The following NXN variants were observed in gnomAD, a reference collection of about 807,000 sequenced individuals.
NXN encodes the protein nucleoredoxin 1.
NXN carries 16 observed loss-of-function variants against 48.6 expected under a neutral mutation model. That is an observed-to-expected ratio of 0.33 (90% confidence interval 0.22 to 0.50). The LOEUF is 0.50. Ranked by LOEUF, NXN falls within the 20% of genes least tolerant of loss-of-function variation. NXN has a pLI of 0.98. For missense variants in NXN, 492 were observed against 605.5 expected, an observed-to-expected ratio of 0.81 and a Z score of 1.97; for synonymous variants, 281 against 269.6, an observed-to-expected ratio of 1.04 and a Z score of -0.41.
At chr17:948,748 T>C (rs1381498460) in intron 1 of NXN, among the ~76,000 whole-genome samples, 4 of 151,450 alleles carry the variant, frequency 2.6e-5, no homozygotes, top group Non-Finnish European at 5.9e-5. Context: ...GAGAGCAGCA[T>C]TCTCAGATGG....
intron 1 of NXN, among the ~76,000 whole-genome samples, chr17:938,465 A>T (rs2068933779): frequency 1.3e-5 from 2 of 149,130 alleles, no homozygotes; most frequent in African/African-American, 5.1e-5. Flanking sequence ...GCGGATCACG[A>T]GGTCAGGAGT....
chr17:873,262 C>T (rs1272389183), intron 1 of NXN, among the ~76,000 whole-genome samples: 3 of 151,768 alleles, frequency 2.0e-5, no homozygotes, highest in Non-Finnish European at 4.4e-5. Flanking sequence ...TGTGGGAGGC[C>T]GAGGAGGGTG....
At chr17:872,962 T>G (rs2068175471) in intron 1 of NXN, among the ~76,000 whole-genome samples, 1 of 152,126 alleles carries the variant, frequency 6.6e-6, no homozygotes, top group Non-Finnish European at 1.5e-5. Context: ...TAAAGCAGAC[T>G]GCTCTCCCCA....
At chr17:979,198 G>A (rs1475672848) in intron 1 of NXN, 121 bp downstream of exon 1, 1 of 403,360 alleles carries the variant, frequency 2.5e-6, no homozygotes, top group Non-Finnish European at 3.9e-6. Context: ...GGGGTCGGGG[G>A]GTGGAGGGCG....
chr17:816,586 C>T (rs964762182), intron 5 of NXN, among the ~76,000 whole-genome samples: 5 of 152,090 alleles, frequency 3.3e-5, no homozygotes, highest in African/African-American at 7.2e-5. Flanking sequence ...CCAGCACTGG[C>T]GGCTTCGCAT....
intron 1 of NXN, among the ~76,000 whole-genome samples, chr17:943,093 C>T (rs1332697177): frequency 1.3e-5 from 2 of 152,268 alleles, no homozygotes; most frequent in South Asian, 2.1e-4. Context: ...GCACTAGACC[C>T]TCCTCCCTTC....
At chr17:864,080 C>T (rs1567839199) in intron 1 of NXN, 1 of 1,435,848 alleles carries the variant, frequency 7.0e-7, no homozygotes, top group Non-Finnish European at 9.1e-7. Context: ...GGCACAGTTA[C>T]CGTTGCTCGG....
chr17:929,275 T>C (rs2150595260), intron 1 of NXN, among the ~76,000 whole-genome samples: 1 of 152,348 alleles, frequency 6.6e-6, no homozygotes, highest in Non-Finnish European at 1.5e-5. Flanking sequence ...TCGCTTCACC[T>C]GCCTGGCCCT....
intron 5 of NXN, among the ~76,000 whole-genome samples, chr17:816,069 G>A (rs540477160): frequency 2.0e-5 from 3 of 152,170 alleles, no homozygotes; most frequent in South Asian, 2.1e-4. Context: ...GGCAGGACAC[G>A]GCGCTCGGTA....
rs754590010 is a variant in NXN at position 915,646 on chromosome 17, C to A, written c.360+63673G>T. On this transcript the variant is annotated intron_variant, in intron 1 of 7. Transcript: ENST00000336868. ...GAATGAATGAGTACATAGTGTAACG[C>A]TTCCGAGCTTTGGTGCAGGAGGAAA... 5.2e-4 allele frequency among the ~76,000 whole-genome samples: 79 copies of A among 152,186 alleles called. 1 individual carries two copies. The highest frequency in any genetic ancestry group is 1.3e-4 in the Admixed American group (2 of 15,266).
chr17:977,020 C>A (rs2586277), intron 1 of NXN, among the ~76,000 whole-genome samples: 4,535 of 152,276 alleles, frequency 0.03, 239 homozygotes, highest in African/African-American at 0.1. Context: ...CCCACCTCAG[C>A]CTTCCAAAGT....
chr17:811,511 G>T (rs556509673), intron 5 of NXN, among the ~76,000 whole-genome samples: 2 of 146,192 alleles, frequency 1.4e-5, no homozygotes, highest in African/African-American at 2.7e-5. Flanking sequence ...CCCGGGGTTG[G>T]GGGGGGGGCA....
At chr17:944,056 GAC>G (rs1418580455) in intron 1 of NXN, among the ~76,000 whole-genome samples, 1 of 151,952 alleles carries the variant, frequency 6.6e-6, no homozygotes, top group Non-Finnish European at 1.5e-5. Context: ...TGGCCAACAT[GAC>G]GAAACCCCGT....
intron 1 of NXN, among the ~76,000 whole-genome samples, chr17:860,608 G>T (rs1490357050): frequency 6.7e-6 from 1 of 148,560 alleles, no homozygotes; most frequent in Admixed American, 6.8e-5. Flanking sequence ...TGGCCAGGCT[G>T]GTCTTGAACT....
intron 4 of NXN, 121 bp downstream of exon 4, chr17:822,236 A>G: frequency 1.5e-6 from 1 of 654,020 alleles, no homozygotes; most frequent in Non-Finnish European, 2.7e-6. Flanking sequence ...CTGAGATCAC[A>G]CCACTGCACT....
At chr17:912,427 C>T (rs560890181) in intron 1 of NXN, among the ~76,000 whole-genome samples, 1 of 152,146 alleles carries the variant, frequency 6.6e-6, no homozygotes, top group South Asian at 2.1e-4. Flanking sequence ...CCAAAGACAC[C>T]GCATCAGATT....
At chr17:928,584 C>T (rs2068823960) in intron 1 of NXN, among the ~76,000 whole-genome samples, 1 of 152,112 alleles carries the variant, frequency 6.6e-6, no homozygotes, top group Admixed American at 6.6e-5. Flanking sequence ...GCCTGTAATC[C>T]CAATACTTTG....
rs1186070371 is a variant in NXN, at chr17:805,209, C to T, written c.859G>A (p.Val287Met). 2 of 1,611,930 alleles carry T rather than the reference C, an allele frequency of 1.2e-6. No individual in the cohort carries two copies. Among genetic ancestry groups the T allele is most frequent in the Non-Finnish European group, 8.5e-7 (1 of 1,179,540 alleles). ...TCCACCCGCCCCTGCCGCGTGATCA[C>T]CTCGCCCTGCGGGTCCAGCATGATG... ...TLIMLDPQGE[V>M]ITRQGRVEVL... is the part of the protein sequence containing the mutation. The change falls in exon 6 of 8, where the codon GTG becomes ATG. Residue 287 changes from valine (V) to methionine (M), a missense_variant. Around this residue, in one of 3 missense-constraint regions of NXN, gnomAD observed 303 missense variants for 388.3 expected, o/e 0.78. Transcript: ENST00000336868.
chr17:899,401 C>A (rs921561127), intron 1 of NXN, among the ~76,000 whole-genome samples: 1 of 152,156 alleles, frequency 6.6e-6, no homozygotes, highest in East Asian at 1.9e-4. Flanking sequence ...GAGAGAGACA[C>A]CTGGATGCCC....
Sources: gnomAD v4.1 joint callset for allele counts (sites outside exome capture counted in the v4.1 genomes callset) on GRCh38, gnomAD v4.1.1 for gene constraint, gnomAD v4.1.1 regional missense constraint, MANE v1.5 for transcripts, NCBI Gene and HGNC (gene_info 2026-07-23, HGNC 2026-07-21) for gene names.